Variants in RBFOX1 observed in about 807,000 individuals in gnomAD.
The protein encoded by RBFOX1 is RNA binding fox-1 homolog 1, also known as RNA binding protein fox-1 homolog 1.
In RBFOX1, 8 loss-of-function variants were observed where a neutral mutation model predicts 57.7. The ratio of observed to expected loss-of-function variants is 0.14; its 90% confidence interval spans 0.08 to 0.25. RBFOX1 has a LOEUF of 0.25. Ranked by LOEUF, RBFOX1 falls within the 10% of genes least tolerant of loss-of-function variation. The pLI is 1.00. For synonymous variants in RBFOX1, 326 were observed against 222.4 expected (o/e 1.47, Z -4.15); for missense variants, 611 against 548.5 (o/e 1.11, Z -1.14).
At chr16:6,287,331 G>C (rs1345431104) in intron 1 of RBFOX1, among the ~76,000 whole-genome samples, 2 of 152,130 alleles carry the variant, frequency 1.3e-5, no homozygotes, top group Admixed American at 6.6e-5. Flanking sequence ...TATTTGTTCG[G>C]ACTTGAAGTG....
At chr16:6,515,909 C>G (rs995160660) in intron 2 of RBFOX1, among the ~76,000 whole-genome samples, 2 of 152,176 alleles carry the variant, frequency 1.3e-5, no homozygotes, top group South Asian at 4.1e-4. Context: ...TTCCTTGACT[C>G]TCCTAGATGG....
chr16:7,707,092 T>C (rs2082704138), intron 14 of RBFOX1, among the ~76,000 whole-genome samples: 2 of 152,292 alleles, frequency 1.3e-5, no homozygotes, highest in Middle Eastern at 3.4e-3. Context: ...AAGAGAGGCA[T>C]CCCTTCAGGT....
At chr16:6,725,555 C>T (rs1031048731) in intron 3 of RBFOX1, among the ~76,000 whole-genome samples, 16 of 152,126 alleles carry the variant, frequency 1.1e-4, no homozygotes, top group Admixed American at 1.0e-3. Flanking sequence ...AATCCACCCC[C>T]TGTTTAGCAT....
intron 3 of RBFOX1, among the ~76,000 whole-genome samples, chr16:6,877,913 A>C (rs1205329362): frequency 1.3e-5 from 2 of 152,168 alleles, no homozygotes; most frequent in Non-Finnish European, 2.9e-5. Flanking sequence ...GATCTTGCGA[A>C]TGGTAGTTGC....
In RBFOX1 at chr16:7,190,378, TATAAA is replaced by T. The variant is rs1490990175; in HGVS notation, c.27+138287_27+138291del. 1.3e-5 allele frequency among the ~76,000 whole-genome samples: 2 copies of T among 152,060 alleles called. 1 individual carries two copies. The highest frequency in any genetic ancestry group is 3.9e-4 in the East Asian group (2 of 5,194). On this transcript the variant is annotated intron_variant, in intron 4 of 15. Transcript: ENST00000550418. ...TCAAACATAAATAAAATAAAAATAA[TATAAA>T]ATAAAAAATAAAACTTCCCTCATTG...
intron 1 of RBFOX1, among the ~76,000 whole-genome samples, chr16:6,133,361 T>C (rs1232462020): frequency 1.3e-5 from 2 of 152,208 alleles, no homozygotes; most frequent in African/African-American, 4.8e-5. Context: ...TCTTCATTTT[T>C]AGTGCCTATC....
intron 1 of RBFOX1, 44 bp downstream of exon 1, chr16:6,020,036 G>C (rs1469263765): frequency 6.9e-7 from 1 of 1,439,752 alleles, no homozygotes; most frequent in East Asian, 2.7e-5. Flanking sequence ...ACCCTGACCT[G>C]GTGGGTCAGG....
intron 1 of RBFOX1, among the ~76,000 whole-genome samples, chr16:5,319,370 T>G (rs6500679): frequency 0.044 from 6,723 of 152,228 alleles, 504 homozygotes; most frequent in African/African-American, 0.15. Context: ...AATTTGTCTT[T>G]GGTTCACAGC....
chr16:7,140,885 C>T (rs1267233296), intron 4 of RBFOX1, among the ~76,000 whole-genome samples: 1 of 152,176 alleles, frequency 6.6e-6, no homozygotes, highest in African/African-American at 2.4e-5. Flanking sequence ...GAAATGCTTC[C>T]ATTAGGCGTT....
At chr16:7,529,065 C>T (rs963803414) in intron 5 of RBFOX1, among the ~76,000 whole-genome samples, 2 of 152,148 alleles carry the variant, frequency 1.3e-5, no homozygotes, top group Non-Finnish European at 2.9e-5. Flanking sequence ...TCAAGACCAG[C>T]CTGGTCAACA....
intron 2 of RBFOX1, among the ~76,000 whole-genome samples, chr16:6,536,021 A>G (rs1180643373): frequency 6.6e-6 from 1 of 152,172 alleles, no homozygotes; most frequent in Non-Finnish European, 1.5e-5. Flanking sequence ...CAAAATGGAG[A>G]TGTGTGATTC....
intron 2 of RBFOX1, among the ~76,000 whole-genome samples, chr16:6,341,799 G>T (rs938377773): frequency 1.3e-5 from 2 of 152,040 alleles, no homozygotes; most frequent in African/African-American, 4.8e-5. Context: ...TGCATTGTGG[G>T]CTCTCCCTGA....
chr16:6,343,456 G>C (rs1045878419), intron 2 of RBFOX1, among the ~76,000 whole-genome samples: 2 of 152,200 alleles, frequency 1.3e-5, no homozygotes, highest in Non-Finnish European at 1.5e-5. Context: ...GAACTGAAGT[G>C]AGGATTTGCG....
At chr16:6,141,395 T>C (rs1334722751) in intron 1 of RBFOX1, among the ~76,000 whole-genome samples, 2 of 152,176 alleles carry the variant, frequency 1.3e-5, no homozygotes, top group African/African-American at 4.8e-5. Flanking sequence ...TTGTCTTTGA[T>C]TTCTGCTTGT....
intron 1 of RBFOX1, among the ~76,000 whole-genome samples, chr16:6,112,126 A>T (rs893243090): frequency 1.3e-5 from 2 of 152,208 alleles, no homozygotes; most frequent in African/African-American, 4.8e-5. Flanking sequence ...ATTCCAGACC[A>T]ATTAGCTAGC....
intron 5 of RBFOX1, among the ~76,000 whole-genome samples, chr16:7,556,591 A>G (rs8063058): frequency 0.92 from 140,149 of 152,208 alleles, 64,828 homozygotes; most frequent in Non-Finnish European, 0.97. Flanking sequence ...TTTTGGATAC[A>G]GAGTTTCATT....
At chr16:7,127,961 G>A (rs1169938124) in intron 4 of RBFOX1, among the ~76,000 whole-genome samples, 6 of 152,306 alleles carry the variant, frequency 3.9e-5, no homozygotes, top group East Asian at 3.9e-4. Context: ...GCAAAGGTCC[G>A]AAAGAGGCTG....
intron 2 of RBFOX1, among the ~76,000 whole-genome samples, chr16:6,564,003 C>T (rs1254182513): frequency 1.3e-5 from 2 of 152,052 alleles, no homozygotes; most frequent in South Asian, 2.1e-4. Context: ...ATGTAAACTA[C>T]AGCACCCATG....
At chr16:7,684,829 A>G (rs1300186370) in intron 14 of RBFOX1, among the ~76,000 whole-genome samples, 1 of 152,112 alleles carries the variant, frequency 6.6e-6, no homozygotes, top group South Asian at 2.1e-4. Context: ...AGGCACTTTA[A>G]TAATTCTTCC....
Sources: gnomAD v4.1 joint callset for allele counts (sites outside exome capture counted in the v4.1 genomes callset) on GRCh38, gnomAD v4.1.1 for gene constraint, MANE v1.5 for transcripts, NCBI Gene and HGNC (gene_info 2026-07-23, HGNC 2026-07-21) for gene names.